The following ADORA2B variants were observed in gnomAD, a reference collection of about 807,000 sequenced individuals.
The protein encoded by ADORA2B is adenosine receptor A2b.
A neutral mutation model predicts 20.8 loss-of-function variants in ADORA2B; 18 were observed. The observed-to-expected ratio is 0.87, with a 90% CI of 0.60 to 1.29. ADORA2B has a LOEUF of 1.29. ADORA2B is among the 50% of genes most tolerant of loss of function. ADORA2B has a pLI of 0.00. For missense variants in ADORA2B, 441 were observed against 422.7 expected (o/e 1.04, Z -0.38); for synonymous variants, 179 against 178.3 (o/e 1.00, Z -0.03).
intron 1 of ADORA2B, among the ~76,000 whole-genome samples, chr17:15,963,135 A>G (rs745698295): frequency 6.6e-6 from 1 of 152,198 alleles, no homozygotes; most frequent in Non-Finnish European, 1.5e-5. Flanking sequence ...GAATTACAAG[A>G]ACTCTTGCTT....
the ADORA2B span, among the ~76,000 whole-genome samples, chr17:15,934,047 A>AT: frequency 0.043 from 6,553 of 151,612 alleles, 513 homozygotes; most frequent in African/African-American, 0.15. Flanking sequence ...TATTTTGTTG[A>AT]TTTTTTTCAA....
chr17:15,894,384 G>A, the ADORA2B span, among the ~76,000 whole-genome samples: 1 of 152,190 alleles, frequency 6.6e-6, no homozygotes, highest in South Asian at 2.1e-4. Context: ...TGTCAAAATC[G>A]GTGTCAGAAG....
upstream of ADORA2B, among the ~76,000 whole-genome samples, chr17:15,941,095 C>T (rs1329035055): frequency 2.6e-5 from 4 of 152,144 alleles, no homozygotes; most frequent in Admixed American, 2.0e-4. Flanking sequence ...AAGAGGTCCA[C>T]GGAGGGTCAG....
chr17:15,857,686 G>A, the ADORA2B span, among the ~76,000 whole-genome samples: 1 of 151,802 alleles, frequency 6.6e-6, no homozygotes, highest in Non-Finnish European at 1.5e-5. Context: ...GGACTTGCCT[G>A]GGGCCTGTGG....
At chr17:15,941,728 CAAA>C (rs750541311), upstream of ADORA2B, among the ~76,000 whole-genome samples, 11 of 87,308 alleles carry the variant, frequency 1.3e-4, no homozygotes, top group Admixed American at 1.3e-4. Flanking sequence ...ACTCTTGTTT[CAAA>C]AAAAAAAAAA....
chr17:15,970,631 A>G (rs746102893), intron 1 of ADORA2B, among the ~76,000 whole-genome samples: 2 of 152,132 alleles, frequency 1.3e-5, no homozygotes, highest in Non-Finnish European at 2.9e-5. Flanking sequence ...GAGAGATTGG[A>G]CTAGAAAGAT....
At chr17:15,913,373 G>GC in the ADORA2B span, among the ~76,000 whole-genome samples, 1 of 152,350 alleles carries the variant, frequency 6.6e-6, no homozygotes, top group South Asian at 2.1e-4. Flanking sequence ...ATTCTTCACT[G>GC]AACTCAAGGA....
chr17:15,944,633 G>A (rs1338576580), upstream of ADORA2B, among the ~76,000 whole-genome samples: 1 of 152,084 alleles, frequency 6.6e-6, no homozygotes, highest in East Asian at 1.9e-4. The surrounding 1 kb of genome is among the most constrained non-coding windows in gnomAD (Gnocchi z 4.8). Context: ...AGCTCCGGTG[G>A]TGCTGCGCTG....
the ADORA2B span, among the ~76,000 whole-genome samples, chr17:15,923,607 C>T: frequency 0.16 from 23,957 of 151,616 alleles, 2,152 homozygotes; most frequent in Non-Finnish European, 0.2. Context: ...AGGCTTTCAC[C>T]GTGTTAGCCA....
the ADORA2B span, among the ~76,000 whole-genome samples, chr17:15,916,246 C>T: frequency 6.6e-6 from 1 of 152,200 alleles, no homozygotes; most frequent in African/African-American, 2.4e-5. Context: ...CCAAACAAGT[C>T]AACCTTCCTG....
the ADORA2B span, among the ~76,000 whole-genome samples, chr17:15,870,586 C>T: frequency 9.0e-6 from 1 of 111,042 alleles, no homozygotes; most frequent in Non-Finnish European, 1.7e-5. Context: ...GCACTCCATC[C>T]TGGATGACAA....
chr17:15,891,054 G>A, the ADORA2B span, among the ~76,000 whole-genome samples: 5 of 152,224 alleles, frequency 3.3e-5, no homozygotes, highest in African/African-American at 9.6e-5. Flanking sequence ...ATCCCCTGAG[G>A]TCAGGAGTTC....
chr17:15,928,350 C>CTT, the ADORA2B span, among the ~76,000 whole-genome samples: 1 of 145,044 alleles, frequency 6.9e-6, no homozygotes, highest in African/African-American at 2.5e-5. Context: ...TTTCTTTCCT[C>CTT]TTTTTTTTTT....
intron 1 of ADORA2B, among the ~76,000 whole-genome samples, chr17:15,964,990 G>T (rs372250393): frequency 6.6e-6 from 1 of 152,178 alleles, no homozygotes. Flanking sequence ...AACCCGGGAG[G>T]CGGAGCTTGC....
the ADORA2B span, among the ~76,000 whole-genome samples, chr17:15,859,098 T>C: frequency 5.9e-5 from 9 of 152,150 alleles, no homozygotes; most frequent in African/African-American, 2.2e-4. Context: ...CACTGAGATG[T>C]GAACTACCAA....
intron 1 of ADORA2B, among the ~76,000 whole-genome samples, chr17:15,954,499 G>A (rs1969943244): frequency 6.6e-6 from 1 of 152,114 alleles, no homozygotes; most frequent in African/African-American, 2.4e-5. Context: ...CCTTTACTGT[G>A]CCCTTGGAGT....
At chr17:15,910,085 T>C in the ADORA2B span, among the ~76,000 whole-genome samples, 2 of 152,184 alleles carry the variant, frequency 1.3e-5, no homozygotes. Flanking sequence ...CTGTTCTAAG[T>C]GTAAAACAGC....
chr17:15,947,314 C>T (rs1249643969), intron 1 of ADORA2B, among the ~76,000 whole-genome samples: 1 of 152,226 alleles, frequency 6.6e-6, no homozygotes, highest in Non-Finnish European at 1.5e-5. Flanking sequence ...ACCCCTTGGA[C>T]TTGCCCTGGC....
At chr17:15,968,204 A>C (rs1970144912) in intron 1 of ADORA2B, among the ~76,000 whole-genome samples, 3 of 152,218 alleles carry the variant, frequency 2.0e-5, no homozygotes, top group Non-Finnish European at 4.4e-5. Flanking sequence ...ACCCTTGAAC[A>C]GCACAGGTTT....
Sources: allele counts gnomAD v4.1 joint callset (sites outside exome capture counted in the v4.1 genomes callset), GRCh38; gene constraint gnomAD v4.1.1; non-coding constraint Gnocchi (gnomAD v3.1); transcripts MANE v1.5; gene names NCBI Gene and HGNC (gene_info 2026-07-23, HGNC 2026-07-21).